ADAM28: variants seen among roughly 807,000 people sequenced by gnomAD.
ADAM28 encodes disintegrin and metalloproteinase domain-containing protein 28.
Under a neutral mutation model 101.2 loss-of-function variants are expected in ADAM28, and 105 were observed. That is an observed-to-expected ratio of 1.04 (90% CI 0.89 to 1.22). The LOEUF (loss-of-function observed/expected upper bound fraction) is 1.22. Among genes scored for constraint, ADAM28 ranks in the 50% most tolerant of loss-of-function variants. ADAM28 has a pLI of 0.00. For missense variants in ADAM28, 1,028 were observed against 945.4 expected (o/e 1.09, Z -1.15); for synonymous variants, 322 against 310.6 (o/e 1.04, Z -0.39).
intron 10 of ADAM28, among the ~76,000 whole-genome samples, chr8:24,328,022 A>G (rs1475997423): frequency 1.3e-5 from 2 of 152,092 alleles, no homozygotes; most frequent in African/African-American, 4.8e-5. Flanking sequence ...AGTTTACGTA[A>G]GTAACAATCC....
chr8:24,346,571 T>A (rs11135794), intron 18 of ADAM28, among the ~76,000 whole-genome samples: 1 of 151,924 alleles, frequency 6.6e-6, no homozygotes, highest in South Asian at 2.1e-4. Context: ...CATGACAAAG[T>A]TTAAGAGCAC....
intron 19 of ADAM28, among the ~76,000 whole-genome samples, 186 bp from the exon 20 acceptor site, chr8:24,351,046 A>G (rs1195623193): frequency 6.6e-6 from 1 of 152,184 alleles, no homozygotes; most frequent in Non-Finnish European, 1.5e-5. Context: ...AGTAGTGATT[A>G]TGAATTACAA....
intron 10 of ADAM28, among the ~76,000 whole-genome samples, chr8:24,328,131 C>T (rs187453970): frequency 6.6e-6 from 1 of 151,928 alleles, no homozygotes; most frequent in Admixed American, 6.6e-5. Flanking sequence ...CTATAAAAAT[C>T]CTAATTTCTA....
At position 24,309,968 on chromosome 8, in the gene ADAM28, C is replaced by A. The variant is rs143894843; in HGVS notation, c.225C>A (p.Asn75Lys). ...TTGCAGTGCTTTATTTGAAAAAAAACAAGTAAGTATCTTTACCTGTGATAT... is the reference window on the plus strand; with the variant it reads ...TTGCAGTGCTTTATTTGAAAAAAAAAAAGTAAGTATCTTTACCTGTGATAT... ...GKIAVLYLKK[N>K]KNLLAPGYTE... Residue 75 changes from asparagine to lysine, a missense_variant and splice_region_variant, in exon 3 of 23, where the codon AAC becomes AAA. By Grantham distance (94) the Asn-to-Lys change is moderately conservative. Coordinates refer to ENST00000265769, the MANE Select transcript of ADAM28 (RefSeq NM_014265.6). 2.8e-5 allele frequency: 44 copies of A among 1,548,622 alleles called. No individual in the cohort carries two copies. Among genetic ancestry groups the A allele is most frequent in the Admixed American group, 3.4e-5 (2 of 59,004 alleles).
At chr8:24,335,961 A>G (rs751699244) in intron 14 of ADAM28, 42 of 1,078,834 alleles carry the variant, frequency 3.9e-5, no homozygotes, top group Non-Finnish European at 4.7e-5. Flanking sequence ...CTGAAATTCA[A>G]ATTAAACTGG....
chr8:24,336,521 C>T (rs574536962), intron 14 of ADAM28, among the ~76,000 whole-genome samples: 4 of 143,938 alleles, frequency 2.8e-5, no homozygotes, highest in South Asian at 2.2e-4. Flanking sequence ...CGGAGCTTGC[C>T]GTCAGCAGAG....
chr8:24,310,830 C>G (rs770646262), intron 4 of ADAM28, among the ~76,000 whole-genome samples: 1 of 152,104 alleles, frequency 6.6e-6, no homozygotes, highest in Non-Finnish European at 1.5e-5. Flanking sequence ...TAGAAAGGTC[C>G]TTCATGGAAC....
chr8:24,310,361 C>T, intron 4 of ADAM28, 120 bp downstream of exon 4: 1 of 786,590 alleles, frequency 1.3e-6, no homozygotes, highest in Non-Finnish European at 2.0e-6. Flanking sequence ...CTTTTTTCAG[C>T]AGTAGCCATT....
At chr8:24,325,889 A>AAAAAAAAAAAAAC (rs1563297002) in intron 9 of ADAM28, among the ~76,000 whole-genome samples, 23 of 141,998 alleles carry the variant, frequency 1.6e-4, no homozygotes, top group African/African-American at 6.1e-4. Context: ...AAAAAAAAAA[A>AAAAAAAAAAAAAC]AAAAAAAAAA....
rs184056583 is a variant in ADAM28, at chr8:24,354,695, T to G, written c.*291T>G. ...AAAATCTGTAATAGGAATTGATTCA[T>G]TCTCTAATGAAAACAAAACATAAAA... On this transcript the variant is annotated 3_prime_UTR_variant, in exon 23 of 23. Coordinates refer to ENST00000265769, the MANE Select transcript of ADAM28 (RefSeq NM_014265.6). 151 of 260,244 alleles carry G rather than the reference T, an allele frequency of 5.8e-4. 1 individual carries two copies. In the East Asian group the frequency reaches 0.011, roughly 20 times the overall value. 16.1% of individuals were successfully genotyped at this position (260,244 alleles called of 1,614,324 possible).
intron 2 of ADAM28, among the ~76,000 whole-genome samples, chr8:24,305,918 A>G (rs1230531349): frequency 6.6e-6 from 1 of 152,062 alleles, no homozygotes; most frequent in East Asian, 1.9e-4. Flanking sequence ...TTACCCCACA[A>G]TAACCATGTG....
chr8:24,294,161 T>C lies in ADAM28; in HGVS notation c.12T>C (p.Gly4=), dbSNP rs775185775. Residue 4 remains glycine (G), a synonymous_variant, in exon 1 of 23, where the codon GGT becomes GGC. Coordinates refer to ENST00000265769, the MANE Select transcript of ADAM28 (RefSeq NM_014265.6). MLQ[G]LLPVSLLLSV... The stretch of plus-strand genomic sequence containing the variant: ...TGGAATCACCCAGCATGTTGCAAGG[T>C]CTCCTGCCAGTCAGTCTCCTCCTCT... The C allele has an allele frequency of 1.9e-6, 3 of 1,614,020 alleles. No homozygotes were observed. The Admixed American group carries it at 5.0e-5, about 27-fold the overall frequency.
At chr8:24,331,357 A>G (rs1262803496) in intron 12 of ADAM28, 30 bp downstream of exon 12, 3 of 1,567,408 alleles carry the variant, frequency 1.9e-6, no homozygotes, top group Admixed American at 1.9e-5. Context: ...AAAACGATCT[A>G]GTTGGTTTTT....
At chr8:24,332,517 A>G (rs955128853) in intron 12 of ADAM28, 143 bp from the exon 13 acceptor site, 38 of 403,628 alleles carry the variant, frequency 9.4e-5, no homozygotes, top group Non-Finnish European at 1.4e-4. Flanking sequence ...CAGGTTTTCT[A>G]ATTTTTTTTA....
intron 8 of ADAM28, among the ~76,000 whole-genome samples, chr8:24,321,891 TA>T (rs919645165): frequency 6.6e-6 from 1 of 151,966 alleles, no homozygotes; most frequent in South Asian, 2.1e-4. Flanking sequence ...CCAAAATATT[TA>T]AAAAATGGTT....
chr8:24,310,284 A>G (rs754956452), intron 4 of ADAM28, 43 bp downstream of exon 4: 1 of 1,573,434 alleles, frequency 6.4e-7, no homozygotes, highest in African/African-American at 1.4e-5. Context: ...GGTTTTACCC[A>G]CAGACCTAAA....
intron 22 of ADAM28, among the ~76,000 whole-genome samples, chr8:24,354,136 CCTT>C (rs1816499048): frequency 6.6e-6 from 1 of 152,026 alleles, no homozygotes; most frequent in South Asian, 2.1e-4. Flanking sequence ...CTGTAACTCT[CCTT>C]CTGGTCCCCT....
chr8:24,318,369 T>C (rs971345371), intron 6 of ADAM28, among the ~76,000 whole-genome samples: 2 of 151,992 alleles, frequency 1.3e-5, no homozygotes, highest in Non-Finnish European at 2.9e-5. Flanking sequence ...GATTGACTGG[T>C]AAATATTAGA....
chr8:24,345,862 G>A (rs1252814511), intron 18 of ADAM28, among the ~76,000 whole-genome samples: 1 of 152,054 alleles, frequency 6.6e-6, no homozygotes, highest in East Asian at 1.9e-4. Flanking sequence ...GGAGGTAGCT[G>A]GAGAAGTTCA....
Sources: allele counts gnomAD v4.1 joint callset (sites outside exome capture counted in the v4.1 genomes callset), GRCh38; gene constraint gnomAD v4.1.1; transcripts MANE v1.5; gene names NCBI Gene and HGNC (gene_info 2026-07-23, HGNC 2026-07-21).